The following ST18 variants were observed in gnomAD, a reference collection of about 807,000 sequenced individuals.
The protein encoded by ST18 is suppression of tumorigenicity 18 protein.
A neutral mutation model predicts 110.0 loss-of-function variants in ST18; 50 were observed. The ratio of observed to expected loss-of-function variants is 0.45; its 90% CI spans 0.36 to 0.58. The LOEUF is 0.58. Among genes scored for constraint, ST18 ranks in the 20% least tolerant of loss-of-function variants. The pLI is 0.00. For synonymous variants in ST18, 461 were observed against 452.4 expected, an observed-to-expected ratio of 1.02 and a Z score of -0.24; for missense variants, 1,306 against 1,280.1, an observed-to-expected ratio of 1.02 and a Z score of -0.31.
intron 13 of ST18, among the ~76,000 whole-genome samples, chr8:52,162,147 G>A (rs1045311099): frequency 3.9e-5 from 6 of 152,134 alleles, no homozygotes; most frequent in Non-Finnish European, 5.9e-5. Flanking sequence ...AGAGGCGGAG[G>A]TTGCAGTGAA....
intron 2 of ST18, among the ~76,000 whole-genome samples, chr8:52,245,249 A>AT (rs956917079): frequency 1.1e-4 from 16 of 151,922 alleles, no homozygotes; most frequent in East Asian, 5.8e-4. Context: ...TTTTCAATAA[A>AT]TTTTTTTTTG....
intron 10 of ST18, among the ~76,000 whole-genome samples, chr8:52,168,596 G>C (rs1263668573): frequency 6.6e-6 from 1 of 152,066 alleles, no homozygotes; most frequent in African/African-American, 2.4e-5. Flanking sequence ...GGGTCAGGGA[G>C]GTCAGGAGAC....
intron 16 of ST18, among the ~76,000 whole-genome samples, chr8:52,149,476 A>G (rs2058237061): frequency 6.6e-6 from 1 of 152,262 alleles, no homozygotes; most frequent in Admixed American, 6.5e-5. Flanking sequence ...TCTCTTGTGC[A>G]GGGCACAAAA....
chr8:52,373,228 T>A (rs1214052337), intron 2 of ST18, among the ~76,000 whole-genome samples: 3 of 152,116 alleles, frequency 2.0e-5, no homozygotes, highest in Non-Finnish European at 1.5e-5. Context: ...CATCCTCATT[T>A]TCCCCCTTCA....
chr8:52,132,203 C>T (rs776880536), intron 21 of ST18, 24 bp from the exon 22 acceptor site: 1 of 1,590,954 alleles, frequency 6.3e-7, no homozygotes, highest in South Asian at 1.1e-5. Flanking sequence ...AGAGACATTA[C>T]CAGCCAGGAA....
At chr8:52,138,204 A>G (rs1024311501) in intron 17 of ST18, among the ~76,000 whole-genome samples, 2 of 152,174 alleles carry the variant, frequency 1.3e-5, no homozygotes, top group African/African-American at 4.8e-5. Flanking sequence ...ACCAGCACCC[A>G]TTATATGACA....
At chr8:52,121,816 A>G (rs775262791) in intron 23 of ST18, among the ~76,000 whole-genome samples, 1 of 152,190 alleles carries the variant, frequency 6.6e-6, no homozygotes, top group Non-Finnish European at 1.5e-5. Flanking sequence ...GCTGATTATC[A>G]AGGAAACCGT....
chr8:52,259,387 C>T (rs2094613470), intron 2 of ST18, among the ~76,000 whole-genome samples: 1 of 152,152 alleles, frequency 6.6e-6, no homozygotes, highest in Non-Finnish European at 1.5e-5. Context: ...AAGTTTATTG[C>T]CTGCCCACTT....
intron 2 of ST18, among the ~76,000 whole-genome samples, chr8:52,304,597 T>C (rs767977574): frequency 2.6e-5 from 4 of 152,240 alleles, no homozygotes; most frequent in Non-Finnish European, 5.9e-5. Context: ...ACAAGTTAAA[T>C]GAACAATGAT....
chr8:52,283,037 G>GTGA (rs538460862), intron 2 of ST18, among the ~76,000 whole-genome samples: 2 of 152,176 alleles, frequency 1.3e-5, no homozygotes, highest in Non-Finnish European at 2.9e-5. Flanking sequence ...CAGCCTAGAG[G>GTGA]TGATCAAGGT....
chr8:52,409,812 A>T (rs1040137443), upstream of ST18: 1 of 152,248 alleles, frequency 6.6e-6, no homozygotes, highest in Non-Finnish European at 1.5e-5. Context: ...TACCAACCGC[A>T]CAAAGAAAAT....
intron 15 of ST18, among the ~76,000 whole-genome samples, chr8:52,155,524 G>A (rs781096222): frequency 6.6e-5 from 10 of 152,170 alleles, no homozygotes; most frequent in Non-Finnish European, 1.3e-4. Flanking sequence ...CGGCACTTGA[G>A]GGATGCTGGT....
At chr8:52,191,406 G>A (rs1438006121) in intron 8 of ST18, among the ~76,000 whole-genome samples, 2 of 152,086 alleles carry the variant, frequency 1.3e-5, no homozygotes, top group Non-Finnish European at 2.9e-5. Context: ...ATGTCAAGCA[G>A]GCCCAGAAAC....
intron 2 of ST18, among the ~76,000 whole-genome samples, chr8:52,242,872 C>CAG (rs543404150): frequency 7.7e-6 from 1 of 129,078 alleles, no homozygotes; most frequent in African/African-American, 2.8e-5. Flanking sequence ...GACTCTGCCT[C>CAG]AAAAAAAAAA....
At chr8:52,224,923 G>C (rs985695186) in intron 3 of ST18, among the ~76,000 whole-genome samples, 4 of 152,132 alleles carry the variant, frequency 2.6e-5, no homozygotes, top group African/African-American at 9.7e-5. Flanking sequence ...TGAAATCTCT[G>C]CCTTATAGAA....
intron 24 of ST18, among the ~76,000 whole-genome samples, chr8:52,117,927 G>A (rs1252684074): frequency 6.6e-6 from 1 of 152,190 alleles, no homozygotes; most frequent in African/African-American, 2.4e-5. Context: ...AGTAAGATCT[G>A]TTTCTAATAA....
At chr8:52,191,878 C>G (rs9643796) in intron 8 of ST18, among the ~76,000 whole-genome samples, 1 of 151,918 alleles carries the variant, frequency 6.6e-6, no homozygotes, top group Non-Finnish European at 1.5e-5. Flanking sequence ...TATCAGGGAA[C>G]AGGAGGTCTG....
At chr8:52,204,004 T>G (rs1468492407) in intron 8 of ST18, among the ~76,000 whole-genome samples, 1 of 152,198 alleles carries the variant, frequency 6.6e-6, no homozygotes, top group African/African-American at 2.4e-5. Context: ...GCATATAAAA[T>G]AGCATCTTAA....
chr8:52,286,590 C>A (rs1183627070), intron 2 of ST18, among the ~76,000 whole-genome samples: 1 of 152,006 alleles, frequency 6.6e-6, no homozygotes, highest in East Asian at 1.9e-4. Flanking sequence ...GTTGTGACAG[C>A]TGGCCAGTAG....
Sources: gnomAD v4.1 joint callset for allele counts (sites outside exome capture counted in the v4.1 genomes callset) on GRCh38, gnomAD v4.1.1 for gene constraint, MANE v1.5 for transcripts, NCBI Gene and HGNC (gene_info 2026-07-23, HGNC 2026-07-21) for gene names.